Variants in CAMTA1 observed in about 807,000 individuals in gnomAD.
The protein encoded by CAMTA1 is calmodulin binding transcription activator 1.
In CAMTA1, 27 loss-of-function variants were observed where a neutral mutation model predicts 170.9. That is an observed-to-expected ratio of 0.16 (90% CI 0.12 to 0.22). The LOEUF is 0.22. CAMTA1 is among the 10% of genes least tolerant of loss of function. The probability of loss-of-function intolerance (pLI) is 1.00; values close to 1 mark genes in which losing one functional copy is unlikely to be tolerated. For synonymous variants in CAMTA1, 833 were observed against 891.5 expected, an observed-to-expected ratio of 0.93 and a Z score of 1.17; for missense variants, 1,619 against 2,217.2, an observed-to-expected ratio of 0.73 and a Z score of 5.42.
At chr1:7,733,772 CT>C (rs1205265239) in intron 12 of CAMTA1, among the ~76,000 whole-genome samples, 2 of 151,912 alleles carry the variant, frequency 1.3e-5, no homozygotes, top group African/African-American at 4.8e-5. Flanking sequence ...TTTTATGAAC[CT>C]CATAAATATC....
intron 6 of CAMTA1, among the ~76,000 whole-genome samples, chr1:7,527,608 C>T (rs2094445124): frequency 6.6e-6 from 1 of 152,226 alleles, no homozygotes; most frequent in African/African-American, 2.4e-5. Context: ...GGAAACACAG[C>T]ACAGCTGACC....
At chr1:6,882,623 T>C (rs2149079161) in intron 3 of CAMTA1, among the ~76,000 whole-genome samples, 1 of 152,262 alleles carries the variant, frequency 6.6e-6, no homozygotes, top group South Asian at 2.1e-4. Context: ...GTTTTGCACC[T>C]GTTGACTGTA....
intron 11 of CAMTA1, among the ~76,000 whole-genome samples, chr1:7,704,829 G>A (rs1369703775): frequency 6.8e-6 from 1 of 147,644 alleles, no homozygotes; most frequent in Non-Finnish European, 1.5e-5. Flanking sequence ...CGGGCGGGGC[G>A]CGGGAGCCAG....
At chr1:7,196,032 G>C (rs568872933) in intron 4 of CAMTA1, among the ~76,000 whole-genome samples, 1 of 152,118 alleles carries the variant, frequency 6.6e-6, no homozygotes, top group African/African-American at 2.4e-5. Context: ...AAAAAAAAAT[G>C]TGTGATACAG....
intron 3 of CAMTA1, among the ~76,000 whole-genome samples, chr1:6,885,528 G>C (rs1295393309): frequency 6.6e-6 from 1 of 152,208 alleles, no homozygotes; most frequent in Non-Finnish European, 1.5e-5. Context: ...AGCATAGCCA[G>C]CGTAGCCTTA....
intron 3 of CAMTA1, among the ~76,000 whole-genome samples, chr1:7,024,269 G>A (rs2100998842): frequency 6.6e-6 from 1 of 152,218 alleles, no homozygotes; most frequent in African/African-American, 2.4e-5. Flanking sequence ...TACTGAAAAT[G>A]AACATGGAAT....
intron 5 of CAMTA1, among the ~76,000 whole-genome samples, chr1:7,329,459 G>A (rs1290907021): frequency 1.3e-5 from 2 of 152,136 alleles, no homozygotes; most frequent in East Asian, 3.9e-4. Context: ...TTAAAATTTT[G>A]CCAATTTATG....
intron 7 of CAMTA1, among the ~76,000 whole-genome samples, chr1:7,654,493 CACACACCTATACACACAT>C (rs2095866788): frequency 6.6e-6 from 1 of 151,930 alleles, no homozygotes; most frequent in South Asian, 2.1e-4. Flanking sequence ...CCTATACATA[CACACACCTATACACACAT>C]ACACTCCTAT....
chr1:7,452,932 G>A (rs1403105986), intron 5 of CAMTA1, among the ~76,000 whole-genome samples: 2 of 152,202 alleles, frequency 1.3e-5, no homozygotes, highest in East Asian at 3.9e-4. Context: ...TGAGGAATGG[G>A]CCACAGTTTC....
chr1:7,519,850 C>G (rs1414577232), intron 6 of CAMTA1, among the ~76,000 whole-genome samples: 1 of 151,604 alleles, frequency 6.6e-6, no homozygotes, highest in Admixed American at 6.6e-5. Context: ...GCAGTGGTCC[C>G]TGCCCCTCTA....
intron 5 of CAMTA1, among the ~76,000 whole-genome samples, chr1:7,452,855 A>C (rs2092860220): frequency 6.6e-6 from 1 of 152,088 alleles, no homozygotes; most frequent in Non-Finnish European, 1.5e-5. Context: ...GTCTGTTTTC[A>C]GTTCTTTTGG....
At chr1:7,520,394 C>T (rs2478268) in intron 6 of CAMTA1, among the ~76,000 whole-genome samples, 3 of 147,100 alleles carry the variant, frequency 2.0e-5, no homozygotes, top group South Asian at 2.2e-4. Flanking sequence ...CGCTGGGTTA[C>T]GGCCCCTCTC....
intron 11 of CAMTA1, among the ~76,000 whole-genome samples, chr1:7,688,956 A>G (rs745914115): frequency 6.6e-5 from 10 of 152,160 alleles, no homozygotes; most frequent in Non-Finnish European, 1.5e-4. Flanking sequence ...CTTCATGAAT[A>G]ACAGGAGACT....
Position 7,030,929 on chromosome 1 carries a change from G to T in CAMTA1, c.235-60375G>T, listed in dbSNP as rs537339895. On this transcript the variant is annotated intron_variant, in intron 3 of 22. Transcript: ENST00000303635. The stretch of plus-strand genomic sequence containing the variant: ...GGCACACTGCAAGCTCCGCCTCCCG[G>T]GTTCACGCCATTCTCCTGCCTCAGC... Among the ~76,000 whole-genome samples, 259 of 151,774 alleles carry T rather than the reference G, an allele frequency of 1.7e-3. 3 individuals carry two copies. The highest frequency in any genetic ancestry group is 6.8e-3 in the Middle Eastern group (2 of 294).
chr1:7,185,158 A>G (rs896001600), intron 4 of CAMTA1, among the ~76,000 whole-genome samples: 6 of 152,252 alleles, frequency 3.9e-5, no homozygotes, highest in South Asian at 4.1e-4. Context: ...AGGTATCAGT[A>G]TGAACACATA....
At chr1:7,533,010 C>T (rs1008142342) in intron 6 of CAMTA1, among the ~76,000 whole-genome samples, 10 of 152,268 alleles carry the variant, frequency 6.6e-5, no homozygotes, top group Middle Eastern at 3.4e-3. Context: ...ATAATTAGTA[C>T]GTTGTTTTCC....
chr1:7,101,530 A>T (rs185679019), intron 4 of CAMTA1, among the ~76,000 whole-genome samples: 14 of 152,316 alleles, frequency 9.2e-5, no homozygotes, highest in African/African-American at 2.6e-4. Flanking sequence ...GGAGCTTTCT[A>T]AAAAAATTAA....
At chr1:6,981,603 T>TA (rs1694449907) in intron 3 of CAMTA1, among the ~76,000 whole-genome samples, 1 of 151,928 alleles carries the variant, frequency 6.6e-6, no homozygotes. Flanking sequence ...TGGCTAATTT[T>TA]TAATTTTTTT....
chr1:7,726,065 C>T (rs1445816789), intron 11 of CAMTA1, among the ~76,000 whole-genome samples: 1 of 152,246 alleles, frequency 6.6e-6, no homozygotes, highest in African/African-American at 2.4e-5. Flanking sequence ...AGAGGTTCTG[C>T]ACCAGAAGTA....
Sources: allele counts gnomAD v4.1 joint callset (sites outside exome capture counted in the v4.1 genomes callset), GRCh38; gene constraint gnomAD v4.1.1; transcripts MANE v1.5; gene names NCBI Gene and HGNC (gene_info 2026-07-23, HGNC 2026-07-21).